FOXP2: variants seen among roughly 807,000 people sequenced by gnomAD.
FOXP2 encodes forkhead box P2, also known as forkhead box protein P2.
FOXP2 carries 12 observed loss-of-function variants against 115.8 expected under a neutral mutation model. The ratio of observed to expected loss-of-function variants is 0.10; its 90% CI spans 0.07 to 0.17. FOXP2 has a LOEUF of 0.17. FOXP2 is among the 10% of genes least tolerant of loss of function. The pLI is 1.00. For synonymous variants in FOXP2, 328 were observed against 297.7 expected (o/e 1.10, Z -1.05); for missense variants, 629 against 843.5 (o/e 0.75, Z 3.15).
In FOXP2 at chr7:114,526,499, A is replaced by C. The variant is rs12666754; in HGVS notation, c.169-8118A>C. On this transcript the variant is annotated intron_variant, in intron 2 of 16. Coordinates refer to ENST00000350908, the MANE Select transcript of FOXP2 (RefSeq NM_014491.4). ...TCAAAAAAAAAAAACAAAAAAAAAA[A>C]CACAACAAACAAAACCCCTCAAACT... Among the ~76,000 whole-genome samples the C allele has an allele frequency of 4.2e-4, 63 of 151,174 alleles. No homozygotes were observed. The East Asian group carries it at 5.4e-3, about 13-fold the overall frequency.
At chr7:114,282,160 G>A (rs555083845) in intron 1 of FOXP2, among the ~76,000 whole-genome samples, 16 of 152,156 alleles carry the variant, frequency 1.1e-4, no homozygotes, top group Non-Finnish European at 2.2e-4. Context: ...ATCTGTTGTA[G>A]ATTAGCTATA....
chr7:114,225,807 T>C (rs1020514986), intron 1 of FOXP2, among the ~76,000 whole-genome samples: 2 of 152,174 alleles, frequency 1.3e-5, no homozygotes, highest in Non-Finnish European at 2.9e-5. Flanking sequence ...ATCACAATAC[T>C]TATATTATTC....
intron 2 of FOXP2, among the ~76,000 whole-genome samples, chr7:114,394,946 A>G (rs1792702697): frequency 6.6e-6 from 1 of 152,214 alleles, no homozygotes; most frequent in Non-Finnish European, 1.5e-5. Flanking sequence ...AGATCGTGTG[A>G]ATAATGTATC....
At chr7:114,252,691 T>C (rs1302096135) in intron 1 of FOXP2, among the ~76,000 whole-genome samples, 5 of 152,194 alleles carry the variant, frequency 3.3e-5, no homozygotes, top group Non-Finnish European at 1.5e-5. Flanking sequence ...CTTTTCTTCT[T>C]TATTAGTCTC....
At chr7:114,354,580 T>C (rs1328134933) in intron 2 of FOXP2, among the ~76,000 whole-genome samples, 2 of 152,080 alleles carry the variant, frequency 1.3e-5, no homozygotes, top group Non-Finnish European at 2.9e-5. Context: ...ACAGATAAGC[T>C]TAAATCCCTT....
intron 2 of FOXP2, among the ~76,000 whole-genome samples, chr7:114,437,529 A>G (rs1447011423): frequency 6.6e-6 from 1 of 152,204 alleles, no homozygotes; most frequent in Non-Finnish European, 1.5e-5. Flanking sequence ...TAATATGGAG[A>G]TAAGAATAAA....
chr7:114,493,351 G>T (rs531137535), intron 2 of FOXP2, among the ~76,000 whole-genome samples: 11 of 152,030 alleles, frequency 7.2e-5, no homozygotes, highest in Non-Finnish European at 1.5e-4. Flanking sequence ...GATGGGTCTT[G>T]ACTCTTTCCA....
chr7:114,544,531 A>G (rs988683865), intron 3 of FOXP2, among the ~76,000 whole-genome samples: 2 of 152,324 alleles, frequency 1.3e-5, no homozygotes, highest in Admixed American at 6.5e-5. Context: ...TTACACTTTT[A>G]ATGCTAACAC....
At chr7:114,153,607 T>C (rs551299280) in intron 1 of FOXP2, among the ~76,000 whole-genome samples, 11 of 152,242 alleles carry the variant, frequency 7.2e-5, no homozygotes, top group South Asian at 2.1e-4. Context: ...ATTTCCCTGC[T>C]CTTGACATAG....
chr7:114,635,965 A>G (rs1451576894), intron 6 of FOXP2, among the ~76,000 whole-genome samples: 2 of 152,194 alleles, frequency 1.3e-5, no homozygotes, highest in African/African-American at 4.8e-5. Context: ...TTTGGAGAAG[A>G]TAATTTATCT....
chr7:114,162,485 T>C (rs1181118581), upstream of FOXP2, among the ~76,000 whole-genome samples: 1 of 152,164 alleles, frequency 6.6e-6, no homozygotes, highest in Non-Finnish European at 1.5e-5. Context: ...CTTTTTTTAT[T>C]ATTCCATTAA....
At chr7:114,186,547 C>G (rs1793612152) in intron 1 of FOXP2, among the ~76,000 whole-genome samples, 1 of 152,184 alleles carries the variant, frequency 6.6e-6, no homozygotes, top group African/African-American at 2.4e-5. Flanking sequence ...ATCCCTACCC[C>G]TGTGGCTTTG....
chr7:114,289,321 G>T (rs1407006169), intron 2 of FOXP2, among the ~76,000 whole-genome samples: 1 of 151,832 alleles, frequency 6.6e-6, no homozygotes, highest in Non-Finnish European at 1.5e-5. Context: ...GAGAAACAAA[G>T]ACAAGTAATT....
intron 3 of FOXP2, among the ~76,000 whole-genome samples, chr7:114,566,925 A>C (rs2129294019): frequency 6.6e-6 from 1 of 152,010 alleles, no homozygotes; most frequent in Admixed American, 6.6e-5. Flanking sequence ...CACTTCATCA[A>C]CCTTGCAAAA....
At chr7:114,343,994 TCTGA>T (rs1791276282) in intron 2 of FOXP2, among the ~76,000 whole-genome samples, 1 of 100,224 alleles carries the variant, frequency 1.0e-5, no homozygotes, top group Non-Finnish European at 2.3e-5. Flanking sequence ...TTAATTTTTT[TCTGA>T]CTATCTCCCT....
intron 1 of FOXP2, among the ~76,000 whole-genome samples, chr7:114,140,586 A>G (rs1792179096): frequency 6.6e-6 from 1 of 152,234 alleles, no homozygotes; most frequent in Non-Finnish European, 1.5e-5. Context: ...CCTGTAGCCC[A>G]TGGCATCCTA....
intron 1 of FOXP2, among the ~76,000 whole-genome samples, chr7:114,193,750 A>G (rs1023041047): frequency 1.3e-5 from 2 of 152,136 alleles, no homozygotes; most frequent in Admixed American, 6.6e-5. Context: ...GATTATTTAA[A>G]AATGACTCTA....
intron 2 of FOXP2, among the ~76,000 whole-genome samples, chr7:114,329,899 A>G (rs941409033): frequency 4.6e-5 from 7 of 151,788 alleles, no homozygotes; most frequent in Non-Finnish European, 7.4e-5. Context: ...CTGGTCTCAA[A>G]CTCCTGACCT....
At chr7:114,674,508 C>T (rs12154339) in intron 16 of FOXP2, among the ~76,000 whole-genome samples, 50,465 of 152,014 alleles carry the variant, frequency 0.33, 9,849 homozygotes, top group Non-Finnish European at 0.45. Context: ...AGCTACTACA[C>T]GCAAACTCAT....
Sources: gnomAD v4.1 joint callset for allele counts (sites outside exome capture counted in the v4.1 genomes callset) on GRCh38, gnomAD v4.1.1 for gene constraint, MANE v1.5 for transcripts, NCBI Gene and HGNC (gene_info 2026-07-23, HGNC 2026-07-21) for gene names.